The following SCAF8 variants were observed in gnomAD, a reference collection of about 807,000 sequenced individuals.
SCAF8 encodes the protein SR-related CTD associated factor 8.
Under a neutral mutation model 140.5 loss-of-function variants are expected in SCAF8, and 23 were observed. The ratio of observed to expected loss-of-function variants is 0.16; its 90% CI spans 0.12 to 0.23. The LOEUF (loss-of-function observed/expected upper bound fraction) is 0.23. Among genes scored for constraint, SCAF8 ranks in the 10% least tolerant of loss-of-function variants. The pLI is 1.00. For synonymous variants in SCAF8, 575 were observed against 528.9 expected, an observed-to-expected ratio of 1.09 and a Z score of -1.20; for missense variants, 1,397 against 1,555.7, an observed-to-expected ratio of 0.90 and a Z score of 1.72.
intron 1 of SCAF8, among the ~76,000 whole-genome samples, chr6:154,740,300 CTA>C: frequency 1.3e-5 from 2 of 152,286 alleles, no homozygotes; most frequent in Non-Finnish European, 2.9e-5. Context: ...TCCCTGGCCT[CTA>C]TGCATTAGAT....
At chr6:154,758,754 A>G (rs533923951) in intron 1 of SCAF8, among the ~76,000 whole-genome samples, 1 of 152,174 alleles carries the variant, frequency 6.6e-6, no homozygotes, top group Non-Finnish European at 1.5e-5. Context: ...CGTTAGCCAC[A>G]GATGGATCTT....
chr6:154,774,547 A>G (rs1298932549), intron 2 of SCAF8, among the ~76,000 whole-genome samples: 1 of 152,170 alleles, frequency 6.6e-6, no homozygotes, highest in Non-Finnish European at 1.5e-5. Flanking sequence ...TTTTGCCACA[A>G]GGTTCTTGGC....
intron 1 of SCAF8, among the ~76,000 whole-genome samples, chr6:154,748,855 G>A (rs1007163638): frequency 7.2e-5 from 11 of 152,206 alleles, no homozygotes; most frequent in African/African-American, 2.2e-4. Flanking sequence ...TGATTTATTT[G>A]CAAAAGCAAA....
intron 3 of SCAF8, among the ~76,000 whole-genome samples, chr6:154,779,813 T>A (rs73793007): frequency 0.059 from 8,973 of 151,790 alleles, 491 homozygotes; most frequent in African/African-American, 0.15. Context: ...ACTTTTTTTT[T>A]ATACTTTTGA....
chr6:154,798,420 G>C (rs979311318), intron 6 of SCAF8, among the ~76,000 whole-genome samples: 1 of 151,302 alleles, frequency 6.6e-6, no homozygotes, highest in African/African-American at 2.4e-5. Context: ...AACAAAACCT[G>C]CTCCACCTGC....
At chr6:154,811,618 A>G (rs747144168) in intron 12 of SCAF8, among the ~76,000 whole-genome samples, 9 of 152,018 alleles carry the variant, frequency 5.9e-5, no homozygotes, top group Non-Finnish European at 1.0e-4. Flanking sequence ...TACATGTACT[A>G]TGTTGGTTTG....
intron 1 of SCAF8, among the ~76,000 whole-genome samples, chr6:154,773,311 T>C (rs770741913): frequency 3.3e-5 from 5 of 152,242 alleles, no homozygotes; most frequent in Non-Finnish European, 7.3e-5. Flanking sequence ...TATAATATGC[T>C]GCCTTTTTCA....
At chr6:154,805,214 C>T (rs963181672) in intron 8 of SCAF8, among the ~76,000 whole-genome samples, 155 bp from the exon 9 acceptor site, 1 of 152,012 alleles carries the variant, frequency 6.6e-6, no homozygotes, top group African/African-American at 2.4e-5. Flanking sequence ...TTAATGTTCT[C>T]AAGTATTCTA....
At position 154,832,814 on chromosome 6, in the gene SCAF8, C is replaced by G. The variant is rs763768613; in HGVS notation, c.3235C>G (p.Leu1079Val). The change falls in exon 20 of 20, where the codon CTT (leucine) becomes GTT (valine). Residue 1079 changes from leucine to valine, a missense_variant. By Grantham distance (32) the Leu-to-Val change is conservative (BLOSUM62 1). This residue lies in a region of SCAF8 where 930 missense variants were observed against 874.6 expected (regional missense o/e 1.06). Transcript: ENST00000367178. The part of the protein sequence containing the change: ...ENLVRPGIDH[L>V]GRRDHFGFNP... ...TCTTGTGAGGCCAGGTATAGATCAT[C>G]TTGGTCGAAGAGACCACTTTGGCTT... The G allele has an allele frequency of 6.2e-7, 1 of 1,613,930 alleles. No homozygotes were observed.
intron 6 of SCAF8, among the ~76,000 whole-genome samples, chr6:154,801,438 A>G (rs1332570662): frequency 6.6e-6 from 1 of 151,458 alleles, no homozygotes; most frequent in Non-Finnish European, 1.5e-5. Context: ...TAAAGATCTC[A>G]CTGTTGTGTC....
chr6:154,833,261 A>G lies in SCAF8; in HGVS notation c.3682A>G (p.Ile1228Val), dbSNP rs768473257. 10 of 1,613,934 alleles carry G rather than the reference A, an allele frequency of 6.2e-6. No individual in the cohort carries two copies. Among genetic ancestry groups the G allele is most frequent in the Admixed American group, 1.7e-5 (1 of 59,992 alleles). The change falls in exon 20 of 20, where the codon ATA (isoleucine) becomes GTA (valine). Residue 1228 changes from isoleucine to valine, a missense_variant. This residue lies in a region of SCAF8 where 930 missense variants were observed against 874.6 expected (regional missense o/e 1.06). Coordinates refer to ENST00000367178, the MANE Select transcript of SCAF8 (RefSeq NM_014892.5). ...NTERHAQPPPIPVQNDPELYE... is the reference protein window; with the variant it reads ...NTERHAQPPPVPVQNDPELYE... ...AGAGAGACATGCTCAGCCACCACCTATACCAGTACAGAATGATCCTGAACT... is the reference window on the plus strand; with the variant it reads ...AGAGAGACATGCTCAGCCACCACCTGTACCAGTACAGAATGATCCTGAACT...
Position 154,832,346 on chromosome 6 carries a change from A to G in SCAF8, c.2767A>G (p.Met923Val), listed in dbSNP as rs1363929275. 3.1e-6 allele frequency: 5 copies of G among 1,613,898 alleles called. No individual in the cohort carries two copies. The highest frequency in any genetic ancestry group is 4.2e-6 in the Non-Finnish European group (5 of 1,180,002). ...TAATCAAAGGATGCCCACAATGCCA[A>G]TGTTAGACATTCGTCCGGGACTAAT... ...IPNQRMPTMP[M>V]LDIRPGLIPQ... The change falls in exon 20 of 20, where the codon ATG (methionine) becomes GTG (valine). Residue 923 changes from methionine (M) to valine (V), a missense_variant. By Grantham distance (21) the Met-to-Val change is conservative. This residue lies in a region of SCAF8 where 930 missense variants were observed against 874.6 expected (regional missense o/e 1.06). Coordinates refer to ENST00000367178, the MANE Select transcript of SCAF8 (RefSeq NM_014892.5).
At chr6:154,799,822 C>T (rs921804081) in intron 6 of SCAF8, among the ~76,000 whole-genome samples, 4 of 151,030 alleles carry the variant, frequency 2.6e-5, no homozygotes, top group African/African-American at 7.3e-5. Flanking sequence ...CTTGCTCTGT[C>T]ACCCAGGCTG....
chr6:154,809,260 C>A (rs868832816), intron 11 of SCAF8, among the ~76,000 whole-genome samples: 1 of 152,238 alleles, frequency 6.6e-6, no homozygotes, highest in Admixed American at 6.5e-5. Context: ...TTAAAGACAT[C>A]AGTCTTTAAC....
intron 18 of SCAF8, among the ~76,000 whole-genome samples, chr6:154,828,690 G>T (rs1009984587): frequency 3.3e-5 from 5 of 151,970 alleles, no homozygotes; most frequent in African/African-American, 4.8e-5. Context: ...TCCAGTTGGG[G>T]TATGGTATCT....
intron 1 of SCAF8, among the ~76,000 whole-genome samples, chr6:154,742,255 A>G (rs1778589670): frequency 6.6e-6 from 1 of 152,172 alleles, no homozygotes; most frequent in Non-Finnish European, 1.5e-5. Context: ...AATCATATAT[A>G]TATAAACTTT....
chr6:154,749,084 G>C (rs1778777151), intron 1 of SCAF8, among the ~76,000 whole-genome samples: 1 of 152,106 alleles, frequency 6.6e-6, no homozygotes. Flanking sequence ...TGGGATTATG[G>C]GCATGGCGCC....
At chr6:154,800,253 A>T (rs543624234) in intron 6 of SCAF8, among the ~76,000 whole-genome samples, 1 of 151,404 alleles carries the variant, frequency 6.6e-6, no homozygotes. Context: ...AAACTAGGGC[A>T]AGAATTTTTT....
intron 1 of SCAF8, among the ~76,000 whole-genome samples, chr6:154,773,605 T>C (rs975140654): frequency 6.6e-6 from 1 of 152,234 alleles, no homozygotes; most frequent in Non-Finnish European, 1.5e-5. Flanking sequence ...ATACATGTTC[T>C]CAGTTCTCTT....
Sources: allele counts gnomAD v4.1 joint callset (sites outside exome capture counted in the v4.1 genomes callset), GRCh38; gene constraint gnomAD v4.1.1; regional missense constraint gnomAD v4.1.1; transcripts MANE v1.5; gene names NCBI Gene and HGNC (gene_info 2026-07-23, HGNC 2026-07-21).